Variants in SULT6B1 observed in about 807,000 individuals in gnomAD.
SULT6B1 encodes the protein sulfotransferase 6B1.
In SULT6B1, 44 loss-of-function variants were observed where a neutral mutation model predicts 37.2. The ratio of observed to expected loss-of-function variants is 1.18; its 90% CI spans 0.93 to 1.52. The LOEUF (loss-of-function observed/expected upper bound fraction) is 1.52, where lower values mean the gene tolerates loss of function less well. SULT6B1 is among the 40% of genes most tolerant of loss of function. SULT6B1 has a pLI of 0.00. For missense variants in SULT6B1, 450 were observed against 361.0 expected (o/e 1.25, Z -2.00); for synonymous variants, 140 against 126.0 (o/e 1.11, Z -0.74).
chr2:37,188,310 T>G, intron 1 of SULT6B1, 132 bp downstream of exon 1: 1 of 690,178 alleles, frequency 1.4e-6, no homozygotes, highest in Admixed American at 2.7e-5. Flanking sequence ...TTAACCACTG[T>G]GGCCCTCCTC....
chr2:37,170,521 G>A (rs1222835801), intron 6 of SULT6B1, among the ~76,000 whole-genome samples: 1 of 151,776 alleles, frequency 6.6e-6, no homozygotes, highest in Admixed American at 6.6e-5. Flanking sequence ...CATTGGCCAG[G>A]TGCAGTGGCT....
At chr2:37,171,179 G>C (rs1207199120) in intron 6 of SULT6B1, among the ~76,000 whole-genome samples, 3 of 152,290 alleles carry the variant, frequency 2.0e-5, no homozygotes, top group Admixed American at 2.0e-4. Context: ...GGCGGAGGTT[G>C]CAGTGAGCTG....
chr2:37,172,311 G>C (rs190428984), intron 5 of SULT6B1, among the ~76,000 whole-genome samples: 1 of 152,196 alleles, frequency 6.6e-6, no homozygotes, highest in African/African-American at 2.4e-5. Flanking sequence ...ATCTCCAAGA[G>C]AGCAGGCTAT....
intron 3 of SULT6B1, among the ~76,000 whole-genome samples, chr2:37,181,253 C>G (rs1558448795): frequency 6.6e-6 from 1 of 152,158 alleles, no homozygotes. Flanking sequence ...GAGGCTTTAA[C>G]TACCACTCAG....
intron 4 of SULT6B1, among the ~76,000 whole-genome samples, chr2:37,179,103 T>A (rs893098717): frequency 8.5e-5 from 13 of 152,126 alleles, no homozygotes; most frequent in Admixed American, 2.6e-4. Context: ...GGACTACAGG[T>A]GCGTGCCACC....
In SULT6B1 at chr2:37,167,999, T is replaced by C. The variant is rs1229800573; in HGVS notation, c.848A>G (p.Lys283Arg). 1 of 1,602,608 alleles carries C rather than the reference T, an allele frequency of 6.2e-7. No homozygotes were observed. Among genetic ancestry groups the C allele is most frequent in the Admixed American group, 1.8e-5 (1 of 56,102 alleles). The change falls in exon 7 of 7, where the codon AAA becomes AGA. Residue 283 changes from lysine (K) to arginine (R), a missense_variant. By Grantham distance (26) the Lys-to-Arg change is conservative. Transcript: ENST00000535679. ...IQNQEMDEKF[K>R]ECLAGTSLGA... ...GAGGGAGGTGCCTGCTAAGCACTCT[T>C]TGAATTTTTCATCCATTTCCTGGTT...
intron 6 of SULT6B1, among the ~76,000 whole-genome samples, chr2:37,168,980 A>T (rs1287195920): frequency 6.6e-6 from 1 of 152,246 alleles, no homozygotes; most frequent in African/African-American, 2.4e-5. Flanking sequence ...AAATGTCATC[A>T]GCTATATAAA....
upstream of SULT6B1, among the ~76,000 whole-genome samples, chr2:37,192,425 TTTA>T (rs1372396184): frequency 6.6e-6 from 1 of 152,202 alleles, no homozygotes; most frequent in African/African-American, 2.4e-5. Context: ...TAGGTGAATA[TTTA>T]TTTTTTAAAG....
At chr2:37,189,586 A>T (rs942707099), upstream of SULT6B1, among the ~76,000 whole-genome samples, 3 of 152,134 alleles carry the variant, frequency 2.0e-5, no homozygotes, top group Non-Finnish European at 4.4e-5. Context: ...CAGGGAAGTA[A>T]GCATGTGCAG....
At chr2:37,181,875 G>T (rs1157964313) in intron 3 of SULT6B1, among the ~76,000 whole-genome samples, 1 of 152,162 alleles carries the variant, frequency 6.6e-6, no homozygotes, top group Admixed American at 6.5e-5. Context: ...ACACATTCGC[G>T]ATATAAGGAA....
chr2:37,179,459 T>G lies in SULT6B1; in HGVS notation c.528A>C (p.Gln176His), dbSNP rs750123350. ...TAATTCTTTTACCAACAGCCATACCTTGTCCTTTCATGAACTGTCTGAAGA... is the reference window on the plus strand; with the variant it reads ...TAATTCTTTTACCAACAGCCATACCGTGTCCTTTCATGAACTGTCTGAAGA... The part of the protein sequence containing the change: ...DEFFRQFMKG[Q>H]VSWGRYFDFA... Residue 176 changes from glutamine (Q) to histidine (H), a missense_variant and splice_region_variant, in exon 4 of 7, where the codon CAA becomes CAC. By Grantham distance (24) the Gln-to-His change is conservative (BLOSUM62 0). Coordinates refer to ENST00000535679, the MANE Select transcript of SULT6B1 (RefSeq NM_001367551.1). The G allele has an allele frequency of 6.2e-7, 1 of 1,613,484 alleles. No individual in the cohort carries two copies. Among genetic ancestry groups the G allele is most frequent in the South Asian group, 1.1e-5 (1 of 90,908 alleles).
upstream of SULT6B1, among the ~76,000 whole-genome samples, chr2:37,188,954 G>A (rs1438730619): frequency 6.6e-6 from 1 of 152,128 alleles, no homozygotes; most frequent in African/African-American, 2.4e-5. Flanking sequence ...TAACAAATAG[G>A]TATTTAATCA....
At chr2:37,176,506 C>G (rs189010147) in intron 4 of SULT6B1, among the ~76,000 whole-genome samples, 4 of 151,994 alleles carry the variant, frequency 2.6e-5, no homozygotes, top group Non-Finnish European at 5.9e-5. Flanking sequence ...GTGATCCGCC[C>G]GCCTCGGCCA....
At chr2:37,168,786 T>C (rs1236369682) in intron 6 of SULT6B1, among the ~76,000 whole-genome samples, 5 of 152,258 alleles carry the variant, frequency 3.3e-5, no homozygotes, top group Non-Finnish European at 7.3e-5. Context: ...TGGGATGTTT[T>C]TTCTTACTGG....
chr2:37,189,946 G>C (rs573365087), upstream of SULT6B1: 2 of 152,352 alleles, frequency 1.3e-5, no homozygotes, highest in South Asian at 2.1e-4. Flanking sequence ...AGCACTCCAG[G>C]GGGTGGCAGA....
chr2:37,186,191 T>TA (rs1178919857), intron 2 of SULT6B1, among the ~76,000 whole-genome samples: 1 of 152,192 alleles, frequency 6.6e-6, no homozygotes, highest in Admixed American at 6.5e-5. Flanking sequence ...CCAGTGGCTT[T>TA]ATGTTAGTAG....
Position 37,184,637 on chromosome 2 carries a change from C to G in SULT6B1, c.313-1123G>C, listed in dbSNP as rs117559472. ...TAAAAACTTAGTGGAGGCTGGGCAT[C>G]CTGCCCAATATGGGGAAACCCCATC... On this transcript the variant is annotated intron_variant, in intron 2 of 6. Transcript: ENST00000535679. Among the ~76,000 whole-genome samples, 349 of 152,296 alleles carry G rather than the reference C, an allele frequency of 2.3e-3. 6 individuals carry two copies. In the East Asian group the frequency reaches 0.062, roughly 27 times the overall value.
intron 6 of SULT6B1, among the ~76,000 whole-genome samples, chr2:37,169,683 CAG>C (rs1676253845): frequency 6.6e-6 from 1 of 152,070 alleles, no homozygotes; most frequent in African/African-American, 2.4e-5. Flanking sequence ...TTGGTAGAGA[CAG>C]GGTTTCACCA....
chr2:37,182,618 C>T (rs935635210), intron 3 of SULT6B1, among the ~76,000 whole-genome samples: 8 of 152,084 alleles, frequency 5.3e-5, no homozygotes, highest in South Asian at 2.1e-4. Context: ...TGTGAGTCAC[C>T]GCACCCTGCA....
Sources: allele counts gnomAD v4.1 joint callset (sites outside exome capture counted in the v4.1 genomes callset), GRCh38; gene constraint gnomAD v4.1.1; transcripts MANE v1.5; gene names NCBI Gene and HGNC (gene_info 2026-07-23, HGNC 2026-07-21).